The following MCM5 variants were observed in gnomAD, a reference collection of about 807,000 sequenced individuals.
MCM5 encodes the protein DNA replication licensing factor MCM5.
MCM5 carries 46 observed loss-of-function variants against 79.9 expected under a neutral mutation model. The observed-to-expected ratio is 0.58, with a 90% CI of 0.45 to 0.74. The LOEUF (loss-of-function observed/expected upper bound fraction) is 0.74, where lower values mean the gene tolerates loss of function less well. MCM5 is among the 30% of genes least tolerant of loss of function. The pLI, the probability that MCM5 is intolerant of heterozygous loss-of-function variation, is 0.00. For missense variants in MCM5, 883 were observed against 1,017.0 expected (o/e 0.87, Z 1.79); for synonymous variants, 404 against 390.5 (o/e 1.03, Z -0.41).
Position 35,400,625 on chromosome 22 carries a change from G to T in MCM5, c.167+20G>T, listed in dbSNP as rs1280362067. 4 of 1,569,052 alleles carry T rather than the reference G, an allele frequency of 2.5e-6. No individual in the cohort carries two copies. The highest frequency in any genetic ancestry group is 3.5e-6 in the Non-Finnish European group (4 of 1,157,066). On this transcript the variant is annotated intron_variant, in intron 2 of 16. Transcript: ENST00000216122. ...ATACAGGTGCGGCTCCTGCGGGGCC[G>T]GGGGCTCGAGTTCCAGTGTGGCCGC...
At chr22:35,450,848 C>T in the MCM5 span, among the ~76,000 whole-genome samples, 3 of 152,330 alleles carry the variant, frequency 2.0e-5, no homozygotes, top group Admixed American at 6.5e-5. Context: ...GCACTCTGTC[C>T]GCTCACGCTT....
the MCM5 span, among the ~76,000 whole-genome samples, chr22:35,436,258 G>A: frequency 2.7e-3 from 403 of 151,126 alleles, 8 homozygotes; most frequent in African/African-American, 9.5e-3. Flanking sequence ...TGCCCTCCCC[G>A]GCCTGGATCC....
the MCM5 span, among the ~76,000 whole-genome samples, chr22:35,440,624 A>G: frequency 5.3e-5 from 8 of 152,316 alleles, no homozygotes; most frequent in African/African-American, 9.6e-5. Flanking sequence ...TACTGCAGCA[A>G]TGCAAACTCC....
At chr22:35,404,860 T>C (rs1409088602) in intron 4 of MCM5, among the ~76,000 whole-genome samples, 1 of 152,118 alleles carries the variant, frequency 6.6e-6, no homozygotes, top group Non-Finnish European at 1.5e-5. Context: ...CTCAGGAGCT[T>C]TGTGAAGGGC....
chr22:35,401,839 C>T (rs1415552169), intron 2 of MCM5: 7 of 387,014 alleles, frequency 1.8e-5, no homozygotes, highest in East Asian at 7.2e-5. Flanking sequence ...GGAAGTTTTC[C>T]GGGGGGCTGA....
the MCM5 span, among the ~76,000 whole-genome samples, chr22:35,444,362 G>A: frequency 6.6e-6 from 1 of 152,230 alleles, no homozygotes; most frequent in South Asian, 2.1e-4. Flanking sequence ...GGCAGGGTCT[G>A]TGGACTTGAG....
rs1020491571 is a variant in MCM5 at position 35,412,685 on chromosome 22, G to C, written c.1091+4G>C. The C allele has an allele frequency of 7.5e-6, 11 of 1,463,338 alleles. No individual in the cohort carries two copies. The highest frequency in any genetic ancestry group is 9.1e-6 in the Non-Finnish European group (10 of 1,096,672). 90.6% of individuals were successfully genotyped at this position (1,463,338 alleles called of 1,614,324 possible). ...TCTTTGGGGGCTCCCGAAAGAGGTA[G>C]GGGCTTGAGTTCCCTTGGGTTTGGG... On this transcript the variant is annotated splice_donor_region_variant and intron_variant, in intron 8 of 16. Transcript: ENST00000216122.
the MCM5 span, among the ~76,000 whole-genome samples, chr22:35,448,069 A>G: frequency 6.6e-6 from 1 of 152,114 alleles, no homozygotes; most frequent in Non-Finnish European, 1.5e-5. Context: ...CCTCCCACAC[A>G]TGCGGTGTCT....
chr22:35,407,265 G>A (rs1395178730), intron 5 of MCM5, among the ~76,000 whole-genome samples: 1 of 152,004 alleles, frequency 6.6e-6, no homozygotes, highest in African/African-American at 2.4e-5. Flanking sequence ...CTCCTTCGCT[G>A]GTGCCTCCTC....
At chr22:35,406,305 C>CTCCT (rs1932213003) in intron 4 of MCM5, among the ~76,000 whole-genome samples, 4 of 144,878 alleles carry the variant, frequency 2.8e-5, no homozygotes, top group African/African-American at 1.0e-4. Context: ...CACCTCCCCC[C>CTCCT]CCAATTGTGC....
chr22:35,414,022 G>T (rs1191746331), intron 9 of MCM5, 36 bp downstream of exon 9: 3 of 1,460,908 alleles, frequency 2.1e-6, no homozygotes, highest in Non-Finnish European at 2.9e-6. Flanking sequence ...ACCTTGGCTT[G>T]CAGGGAGGAA....
chr22:35,434,054 G>C, the MCM5 span, among the ~76,000 whole-genome samples: 1 of 152,198 alleles, frequency 6.6e-6, no homozygotes, highest in Non-Finnish European at 1.5e-5. Context: ...CGTGGGGAGA[G>C]AGGCAGGGCA....
At chr22:35,443,104 C>T in the MCM5 span, among the ~76,000 whole-genome samples, 5 of 152,188 alleles carry the variant, frequency 3.3e-5, no homozygotes, top group African/African-American at 7.2e-5. Flanking sequence ...AGCCCAGCCC[C>T]GCACCTTCCT....
chr22:35,406,421 C>A, intron 4 of MCM5, 132 bp from the exon 5 acceptor site: 1 of 771,596 alleles, frequency 1.3e-6, no homozygotes, highest in Non-Finnish European at 2.1e-6. Flanking sequence ...TTGAGCGGAA[C>A]AGAAGAGCTG....
chr22:35,439,596 A>G, the MCM5 span, among the ~76,000 whole-genome samples: 1 of 152,292 alleles, frequency 6.6e-6, no homozygotes, highest in East Asian at 1.9e-4. Flanking sequence ...AATGTAACAT[A>G]CTTAGGTTAT....
At chr22:35,449,311 G>A in the MCM5 span, among the ~76,000 whole-genome samples, 7 of 152,228 alleles carry the variant, frequency 4.6e-5, no homozygotes, top group South Asian at 2.1e-4. Context: ...ATGAATCGCT[G>A]TGTCTTTGGA....
chr22:35,443,588 C>T, the MCM5 span, among the ~76,000 whole-genome samples: 1 of 152,234 alleles, frequency 6.6e-6, no homozygotes, highest in Non-Finnish European at 1.5e-5. Context: ...CTGCCTGAAC[C>T]TGCTCACACC....
At chr22:35,442,555 T>C in the MCM5 span, among the ~76,000 whole-genome samples, 1 of 152,150 alleles carries the variant, frequency 6.6e-6, no homozygotes, top group Admixed American at 6.6e-5. Context: ...CTTTGCCAGC[T>C]TCCAGAGGCT....
At chr22:35,401,809 A>T in intron 2 of MCM5, 1 of 428,532 alleles carries the variant, frequency 2.3e-6, no homozygotes, top group Non-Finnish European at 4.8e-6. Context: ...TCCTCCACAG[A>T]GGAAGGTGAA....
Sources: allele counts gnomAD v4.1 joint callset (sites outside exome capture counted in the v4.1 genomes callset), GRCh38; gene constraint gnomAD v4.1.1; transcripts MANE v1.5; gene names NCBI Gene and HGNC (gene_info 2026-07-23, HGNC 2026-07-21).